Variants in RIMS2 observed in about 807,000 individuals in gnomAD.
RIMS2 encodes regulating synaptic membrane exocytosis 2.
In RIMS2, 59 loss-of-function variants were observed where a neutral mutation model predicts 174.4. The observed-to-expected ratio is 0.34, with a 90% confidence interval of 0.27 to 0.42. The LOEUF is 0.42. Ranked by LOEUF, RIMS2 falls within the 10% of genes least tolerant of loss-of-function variation. The pLI, the probability that RIMS2 is intolerant of heterozygous loss-of-function variation, is 1.00. For missense variants in RIMS2, 1,620 were observed against 1,666.3 expected, an observed-to-expected ratio of 0.97 and a Z score of 0.48; for synonymous variants, 606 against 572.5, an observed-to-expected ratio of 1.06 and a Z score of -0.84.
At chr8:104,169,805 G>A (rs2098821641) in intron 19 of RIMS2, among the ~76,000 whole-genome samples, 1 of 152,024 alleles carries the variant, frequency 6.6e-6, no homozygotes, top group Non-Finnish European at 1.5e-5. Context: ...TTTGAAGTAA[G>A]CATTTAACAC....
chr8:103,752,133 T>G (rs113671768), intron 2 of RIMS2, among the ~76,000 whole-genome samples: 8 of 152,210 alleles, frequency 5.3e-5, no homozygotes, highest in African/African-American at 1.9e-4. Flanking sequence ...TTGTATAAGG[T>G]GTAAGGAAGG....
chr8:104,164,787 A>T (rs1185545078), intron 19 of RIMS2, among the ~76,000 whole-genome samples: 16 of 152,178 alleles, frequency 1.1e-4, no homozygotes. Flanking sequence ...AACAACACAC[A>T]CTGGGGTGTG....
chr8:103,568,631 A>C (rs2092567837), intron 1 of RIMS2: 2 of 597,824 alleles, frequency 3.3e-6, no homozygotes. Context: ...CAATATCAGC[A>C]AGTGCACTTT....
chr8:103,709,384 G>A (rs1317149892), intron 2 of RIMS2, among the ~76,000 whole-genome samples: 2 of 148,742 alleles, frequency 1.3e-5, no homozygotes, highest in Non-Finnish European at 3.0e-5. Context: ...GGTATCTTAG[G>A]TTGGATGACA....
At chr8:104,176,283 A>G (rs2098893433) in intron 19 of RIMS2, among the ~76,000 whole-genome samples, 1 of 152,116 alleles carries the variant, frequency 6.6e-6, no homozygotes, top group South Asian at 2.1e-4. Context: ...CCTCATCAAA[A>G]TAAGTAAGAT....
intron 19 of RIMS2, among the ~76,000 whole-genome samples, chr8:104,205,552 C>T (rs937322492): frequency 1.2e-4 from 18 of 151,936 alleles, no homozygotes; most frequent in Admixed American, 1.2e-3. Flanking sequence ...TTCGTCATAA[C>T]TTAAGTTGTG....
At chr8:103,814,586 AAGG>A (rs1458492005) in intron 3 of RIMS2, among the ~76,000 whole-genome samples, 1 of 152,150 alleles carries the variant, frequency 6.6e-6, no homozygotes, top group African/African-American at 2.4e-5. Flanking sequence ...ACTGTTTAAG[AAGG>A]AGAAGTCAGG....
At chr8:103,970,627 A>G (rs898975372) in intron 15 of RIMS2, among the ~76,000 whole-genome samples, 2 of 152,280 alleles carry the variant, frequency 1.3e-5, no homozygotes, top group East Asian at 1.9e-4. Context: ...TTGAAGGTCA[A>G]GTTTTCCTAC....
At chr8:104,024,014 G>T (rs1222842471) in intron 19 of RIMS2, among the ~76,000 whole-genome samples, 4 of 152,138 alleles carry the variant, frequency 2.6e-5, no homozygotes, top group African/African-American at 9.7e-5. Flanking sequence ...AGTTTCAGTG[G>T]AGTGATAAGG....
chr8:104,244,307 A>G (rs1417599097), intron 19 of RIMS2, among the ~76,000 whole-genome samples: 1 of 152,192 alleles, frequency 6.6e-6, no homozygotes, highest in Non-Finnish European at 1.5e-5. Context: ...CCCTTGGAAT[A>G]TCTTTCTGAA....
chr8:103,561,157 A>AAT (rs545226197), intron 1 of RIMS2, among the ~76,000 whole-genome samples: 147 of 152,152 alleles, frequency 9.7e-4, no homozygotes, highest in African/African-American at 3.2e-3. Context: ...AAGAATCTGA[A>AAT]ATATATATAT....
In RIMS2 at chr8:103,879,130, G is replaced by A. The variant is rs184732438; in HGVS notation, c.699-6168G>A. 6.5e-3 allele frequency among the ~76,000 whole-genome samples: 981 copies of A among 151,640 alleles called. 4 individuals carry two copies. The highest frequency in any genetic ancestry group is 0.011 in the Non-Finnish European group (737 of 67,730). ...CTAAAAAGAAAGGGAGAAGGAAATT[G>A]GAGCCCTAGAAAGATCAGTAGAGAG... On this transcript the variant is annotated intron_variant, in intron 3 of 23. Coordinates refer to ENST00000504942, the Ensembl canonical transcript of RIMS2.
At chr8:103,572,542 C>T (rs2092909375) in intron 1 of RIMS2, among the ~76,000 whole-genome samples, 1 of 151,892 alleles carries the variant, frequency 6.6e-6, no homozygotes, top group African/African-American at 2.4e-5. Flanking sequence ...TCCTTTTTCT[C>T]TGCAGCATTG....
intron 2 of RIMS2, among the ~76,000 whole-genome samples, chr8:103,762,119 T>C (rs1255336552): frequency 6.6e-6 from 1 of 152,014 alleles, no homozygotes; most frequent in East Asian, 1.9e-4. Context: ...TTAGTTTTTT[T>C]CCCTTCCTTT....
chr8:103,784,121 T>A lies in RIMS2; in HGVS notation c.698+17584T>A, dbSNP rs879696891. 2.5e-3 allele frequency among the ~76,000 whole-genome samples: 379 copies of A among 148,988 alleles called. 3 individuals carry two copies. The highest frequency in any genetic ancestry group is 0.013 in the South Asian group (59 of 4,650). On this transcript the variant is annotated intron_variant, in intron 3 of 23. Coordinates refer to ENST00000504942, the Ensembl canonical transcript of RIMS2. Reference sequence around the variant, plus strand: ...CCCACTTTTTGATGGGGTTGTTTGTTTTTTTCTTGTAAATTTGTTTGAGTT... The same window carrying A: ...CCCACTTTTTGATGGGGTTGTTTGTATTTTTCTTGTAAATTTGTTTGAGTT...
In RIMS2 at chr8:104,138,727, C is replaced by T. The variant is rs1188294729; in HGVS notation, c.3335-106189C>T. Among the ~76,000 whole-genome samples, 10 of 152,102 alleles carry T rather than the reference C, an allele frequency of 6.6e-5. No individual in the cohort carries two copies. In the East Asian group the frequency reaches 1.9e-3, roughly 29 times the overall value. The stretch of plus-strand genomic sequence containing the variant: ...TCTCCTATTCTGTGGATTGTCTCTT[C>T]ACTTTGTTGTTTCCTTTGCTGTGGC... On this transcript the variant is annotated intron_variant, in intron 19 of 23. Transcript: ENST00000504942.
intron 1 of RIMS2, among the ~76,000 whole-genome samples, chr8:103,602,724 A>G (rs1459561961): frequency 6.6e-6 from 1 of 152,188 alleles, no homozygotes; most frequent in Non-Finnish European, 1.5e-5. Context: ...TTTGGGTTGA[A>G]TCCATGTCTT....
chr8:103,827,150 A>G (rs73697684), intron 3 of RIMS2, among the ~76,000 whole-genome samples: 7,315 of 152,074 alleles, frequency 0.048, 586 homozygotes, highest in African/African-American at 0.17. Context: ...TTATCCAAAC[A>G]GTGTTTTATA....
intron 1 of RIMS2, among the ~76,000 whole-genome samples, chr8:103,553,363 G>A (rs1336076176): frequency 6.6e-6 from 1 of 152,000 alleles, no homozygotes; most frequent in East Asian, 1.9e-4. Flanking sequence ...ACCAAACACT[G>A]CATGTTCTCA....
Sources: allele counts gnomAD v4.1 joint callset (sites outside exome capture counted in the v4.1 genomes callset), GRCh38; gene constraint gnomAD v4.1.1; transcripts MANE v1.5; gene names NCBI Gene and HGNC (gene_info 2026-07-23, HGNC 2026-07-21).